NAV2: variants seen among roughly 807,000 people sequenced by gnomAD.
The protein encoded by NAV2 is helicase, APC down-regulated 1.
A neutral mutation model predicts 223.2 loss-of-function variants in NAV2; 54 were observed. The ratio of observed to expected loss-of-function variants is 0.24; its 90% confidence interval spans 0.19 to 0.30. The LOEUF is 0.30. Among genes scored for constraint, NAV2 ranks in the 10% least tolerant of loss-of-function variants. NAV2 has a pLI of 1.00. For synonymous variants in NAV2, 1,279 were observed against 1,239.3 expected (o/e 1.03, Z -0.67); for missense variants, 2,806 against 3,147.5 (o/e 0.89, Z 2.60).
rs1004202935 is a variant in NAV2 at position 19,797,517 on chromosome 11, T to G, written c.268-34967T>G. Among the ~76,000 whole-genome samples, 21 of 152,152 alleles carry G rather than the reference T, an allele frequency of 1.4e-4. 1 individual carries two copies. Among genetic ancestry groups the G allele is most frequent in the Admixed American group, 9.2e-4 (14 of 15,282 alleles). ...AATGCCATTCATTCTCTCTTTTTCT[T>G]TTCTGTGCTATTTTTTAATGCCTTG... is the stretch of plus-strand genomic sequence containing the variant. On this transcript the variant is annotated intron_variant, in intron 1 of 37. Coordinates refer to ENST00000349880, the MANE Select transcript of NAV2 (RefSeq NM_145117.5).
At chr11:19,724,412 A>C (rs2051057968) in intron 1 of NAV2, among the ~76,000 whole-genome samples, 1 of 152,096 alleles carries the variant, frequency 6.6e-6, no homozygotes, top group African/African-American at 2.4e-5. Context: ...GAGTGGCGTG[A>C]CCATGGCTCA....
rs141605375 is a variant in NAV2 at position 19,365,883 on chromosome 11, T to G, written c.75+14856T>G. ...TTATCTTCTTAGAACAATAAGCATC[T>G]GGACAAAGCCTTGTGCTTTGAAAAC... On this transcript the variant is annotated intron_variant, in intron 1 of 37. Transcript: ENST00000360655. 6.8e-4 allele frequency among the ~76,000 whole-genome samples: 103 copies of G among 152,350 alleles called. 2 individuals carry two copies. The East Asian group carries it at 0.019, about 28-fold the overall frequency.
Position 20,053,217 on chromosome 11 carries a change from C to A in NAV2, c.4482-863C>A, listed in dbSNP as rs1208974558. ...TGGGCAGTAGAGCAAGACTACGTCT[C>A]GAAAAAAAAAAAAAAAAAAAAAAAA... On this transcript the variant is annotated intron_variant, in intron 17 of 37. Transcript: ENST00000349880. Among the ~76,000 whole-genome samples the A allele has an allele frequency of 6.9e-5, 3 of 43,260 alleles. No individual in the cohort carries two copies. In the East Asian group the frequency reaches 2.3e-3, roughly 32 times the overall value. 28.4% of individuals were successfully genotyped at this position (43,260 alleles called of 152,430 possible).
chr11:19,776,677 G>GTGTGTGTGT (rs2056237652), intron 1 of NAV2, among the ~76,000 whole-genome samples: 2 of 46,806 alleles, frequency 4.3e-5, no homozygotes, highest in Non-Finnish European at 6.9e-5. Context: ...TGTGTGTGTG[G>GTGTGTGTGT]TTAGAGTTGT....
rs2047904448 is a variant in NAV2, at chr11:19,649,421, G to A, written c.76-183063G>A. ...CTGTCACAGAATACCTAGACTGAAT[G>A]GCATATAAACAACAAACATTTGTTT... On this transcript the variant is annotated intron_variant, in intron 1 of 37. Transcript: ENST00000360655. Among the ~76,000 whole-genome samples the A allele has an allele frequency of 2.0e-5, 3 of 152,318 alleles. 1 individual carries two copies. The South Asian group carries it at 6.2e-4, about 32-fold the overall frequency.
At chr11:19,997,675 A>G (rs7101665) in intron 11 of NAV2, among the ~76,000 whole-genome samples, 26 of 152,174 alleles carry the variant, frequency 1.7e-4, no homozygotes, top group African/African-American at 6.3e-4. Flanking sequence ...AGAGAGTGGC[A>G]GAGCTTGAAT....
intron 1 of NAV2, among the ~76,000 whole-genome samples, chr11:19,787,517 A>G (rs2057220424): frequency 6.6e-6 from 1 of 152,126 alleles, no homozygotes; most frequent in African/African-American, 2.4e-5. Context: ...CATTGATTTC[A>G]GAAACAAAAA....
At chr11:19,787,223 T>C (rs1395512277) in intron 1 of NAV2, among the ~76,000 whole-genome samples, 1 of 150,496 alleles carries the variant, frequency 6.6e-6, no homozygotes, top group Non-Finnish European at 1.5e-5. Context: ...CCTGAGTAGC[T>C]GAGACTATAG....
chr11:20,033,350 G>T (rs931952663), intron 11 of NAV2, among the ~76,000 whole-genome samples: 2 of 152,210 alleles, frequency 1.3e-5, no homozygotes, highest in African/African-American at 4.8e-5. Flanking sequence ...ACGGCCCTTT[G>T]TATAGAGAAT....
Position 20,075,206 on chromosome 11 carries a change from TTTG to T in NAV2, c.4984-2343_4984-2341del, listed in dbSNP as rs1282672549. On this transcript the variant is annotated intron_variant, in intron 22 of 37. Transcript: ENST00000349880. ...ATGCAGAGGCACTGTCTCCATGTTT[TTTG>T]TTTTTTTGTTTTGTTTTTTTTTTTT... Among the ~76,000 whole-genome samples the T allele has an allele frequency of 6.5e-3, 697 of 106,814 alleles. 5 individuals carry two copies. The highest frequency in any genetic ancestry group is 0.024 in the African/African-American group (652 of 27,664). 70.1% of individuals were successfully genotyped at this position (106,814 alleles called of 152,430 possible). A position where few individuals can be genotyped will look rare whatever the true frequency, so the allele number is the denominator to read the frequency against.
chr11:20,121,364 T>G lies in NAV2; in HGVS notation c.*3106T>G, dbSNP rs1229203311. On this transcript the variant is annotated 3_prime_UTR_variant, in exon 38 of 38. Coordinates refer to ENST00000349880, the MANE Select transcript of NAV2 (RefSeq NM_145117.5). ...TTTGATGAATTTTTTCTAGCCATTT[T>G]TAAAGAGAAAACTAGGAATTGAGTA... The G allele has an allele frequency of 1.3e-5, 2 of 152,660 alleles. No individual in the cohort carries two copies. The highest frequency in any genetic ancestry group is 2.4e-5 in the African/African-American group (1 of 41,452). The allele number at this position is 152,660 out of a possible 1,614,324, so 9.5% of individuals were successfully genotyped here. A position where few individuals can be genotyped will look rare whatever the true frequency, so the allele number is the denominator to read the frequency against.
chr11:19,377,357 C>G (rs1455390513), intron 1 of NAV2, among the ~76,000 whole-genome samples: 5 of 152,174 alleles, frequency 3.3e-5, no homozygotes, highest in Admixed American at 1.3e-4. Flanking sequence ...GCCTGGAAAG[C>G]CTTTGACCAT....
chr11:19,596,139 T>G (rs1192845580), intron 1 of NAV2, among the ~76,000 whole-genome samples: 1 of 152,210 alleles, frequency 6.6e-6, no homozygotes, highest in Non-Finnish European at 1.5e-5. Context: ...AAAATTCTAT[T>G]TTATAGGACA....
intron 1 of NAV2, among the ~76,000 whole-genome samples, chr11:19,423,665 G>A (rs1272211572): frequency 5.3e-5 from 8 of 152,206 alleles, no homozygotes; most frequent in African/African-American, 2.4e-5. Context: ...GAGATTGAAA[G>A]TGGCTTGCCA....
At chr11:20,080,879 G>C (rs2060050018) in intron 25 of NAV2, among the ~76,000 whole-genome samples, 1 of 152,140 alleles carries the variant, frequency 6.6e-6, no homozygotes, top group African/African-American at 2.4e-5. Flanking sequence ...CACTCTCCCA[G>C]AAAAATTCCA....
chr11:19,668,767 C>G (rs1410019221), intron 1 of NAV2, among the ~76,000 whole-genome samples: 1 of 152,050 alleles, frequency 6.6e-6, no homozygotes, highest in Non-Finnish European at 1.5e-5. Flanking sequence ...AATTCACACT[C>G]TTTCACATCA....
At chr11:19,860,073 C>T (rs1355189783) in intron 3 of NAV2, among the ~76,000 whole-genome samples, 224 of 109,558 alleles carry the variant, frequency 2.0e-3, no homozygotes, top group South Asian at 4.7e-3. Context: ...CTGGACGGGG[C>T]GGCTGGCCGG....
At chr11:20,104,903 A>T (rs2061912425) in intron 34 of NAV2, 1 of 152,184 alleles carries the variant, frequency 6.6e-6, no homozygotes, top group African/African-American at 2.4e-5. Flanking sequence ...GCTATTTCCC[A>T]TGCCTTTGCA....
rs541919262 is a variant in NAV2 at position 19,947,610 on chromosome 11, C to T, written c.2256-1081C>T. Among the ~76,000 whole-genome samples the T allele has an allele frequency of 6.6e-5, 10 of 152,310 alleles. No individual in the cohort carries two copies. The South Asian group carries it at 1.9e-3, about 28-fold the overall frequency. On this transcript the variant is annotated intron_variant, in intron 9 of 37. Transcript: ENST00000349880. ...CTTCTGCAGGGAAGAATCTCATTCT[C>T]TGCTCAGTGAGGAAATTCCAGTTTT...
Sources: allele counts gnomAD v4.1 joint callset (sites outside exome capture counted in the v4.1 genomes callset), GRCh38; gene constraint gnomAD v4.1.1; transcripts MANE v1.5; gene names NCBI Gene and HGNC (gene_info 2026-07-23, HGNC 2026-07-21).